Variants in RASSF3 observed in about 807,000 individuals in gnomAD.
The protein encoded by RASSF3 is Ras association domain family member 3, also known as ras association domain-containing protein 3.
A neutral mutation model predicts 19.9 loss-of-function variants in RASSF3; 19 were observed. The observed-to-expected ratio is 0.96, with a 90% CI of 0.67 to 1.40. The LOEUF (loss-of-function observed/expected upper bound fraction) is 1.40. RASSF3 is among the 40% of genes most tolerant of loss of function. The pLI is 0.00. For synonymous variants in RASSF3, 110 were observed against 104.2 expected (o/e 1.06, Z -0.34); for missense variants, 306 against 289.8 (o/e 1.06, Z -0.41).
intron 2 of RASSF3, among the ~76,000 whole-genome samples, chr12:64,571,674 A>C (rs1322201188): frequency 6.6e-6 from 1 of 152,166 alleles, no homozygotes; most frequent in Non-Finnish European, 1.5e-5. Context: ...ACCATACAGT[A>C]ATTTCCAGCA....
upstream of RASSF3, among the ~76,000 whole-genome samples, chr12:64,532,561 G>A (rs1868735790): frequency 6.6e-6 from 1 of 151,956 alleles, no homozygotes. Context: ...GGTGGCTTAT[G>A]TCTGTAATTC....
At chr12:64,599,690 G>A (rs1470513942) in intron 2 of RASSF3, among the ~76,000 whole-genome samples, 1 of 152,124 alleles carries the variant, frequency 6.6e-6, no homozygotes, top group South Asian at 2.1e-4. Flanking sequence ...GCTTCCAGGG[G>A]AAGATGAGAA....
chr12:64,528,107 C>G (rs974217440), intron 1 of RASSF3, among the ~76,000 whole-genome samples: 3 of 151,820 alleles, frequency 2.0e-5, no homozygotes, highest in Non-Finnish European at 4.4e-5. Context: ...CACACACACA[C>G]AAAATGTTAA....
At chr12:64,677,763 T>C (rs1344953981) in intron 1 of RASSF3, among the ~76,000 whole-genome samples, 1 of 152,234 alleles carries the variant, frequency 6.6e-6, no homozygotes, top group Non-Finnish European at 1.5e-5. Flanking sequence ...GTGACAGTTC[T>C]CTTTGTATTC....
downstream of RASSF3, among the ~76,000 whole-genome samples, chr12:64,542,828 C>A (rs576601325): frequency 2.0e-5 from 3 of 152,298 alleles, no homozygotes; most frequent in South Asian, 2.1e-4. Context: ...CCCACTCTGG[C>A]CCCACTTGAA....
intron 1 of RASSF3, among the ~76,000 whole-genome samples, chr12:64,621,959 A>G (rs1418480573): frequency 1.3e-5 from 2 of 152,192 alleles, no homozygotes. Context: ...GTGTTTTAAA[A>G]AAAAGGGTGA....
At chr12:64,565,109 C>T (rs1869407453) in intron 2 of RASSF3, among the ~76,000 whole-genome samples, 1 of 149,312 alleles carries the variant, frequency 6.7e-6, no homozygotes, top group African/African-American at 2.5e-5. Flanking sequence ...TTAACAACCT[C>T]AAACTAAACT....
chr12:64,632,054 A>C (rs1247531696), intron 1 of RASSF3, among the ~76,000 whole-genome samples: 1 of 152,176 alleles, frequency 6.6e-6, no homozygotes, highest in Non-Finnish European at 1.5e-5. Context: ...GGAGAAGTTC[A>C]ATCTAGAAAT....
chr12:64,552,600 C>T (rs956420265), intron 2 of RASSF3, among the ~76,000 whole-genome samples: 1 of 152,128 alleles, frequency 6.6e-6, no homozygotes, highest in Non-Finnish European at 1.5e-5. Flanking sequence ...TTGTTCAGCT[C>T]CCACTTATAA....
At chr12:64,638,120 G>C (rs991047063) in intron 1 of RASSF3, among the ~76,000 whole-genome samples, 1 of 152,152 alleles carries the variant, frequency 6.6e-6, no homozygotes, top group Middle Eastern at 3.4e-3. Context: ...ATGAGCCTAC[G>C]CCCCCGGCCT....
intron 1 of RASSF3, among the ~76,000 whole-genome samples, chr12:64,625,067 T>C (rs1870940179): frequency 1.3e-5 from 2 of 152,086 alleles, no homozygotes; most frequent in Admixed American, 1.3e-4. Context: ...GTTGAGAGAT[T>C]TGAAGGGAAC....
At chr12:64,691,663 A>AAGAGAAGAGAGTTGGAGGGC in intron 4 of RASSF3, 84 bp downstream of exon 4, 1 of 313,156 alleles carries the variant, frequency 3.2e-6, no homozygotes. Flanking sequence ...TTGGCTATTG[A>AAGAGAAGAGAGTTGGAGGGC]TGGGGGATGG....
intron 1 of RASSF3, chr12:64,622,412 C>G (rs948925708): frequency 2.0e-6 from 1 of 512,754 alleles, no homozygotes; most frequent in East Asian, 5.9e-5. Flanking sequence ...GATGGTAGGA[C>G]AAACTGCTGG....
At chr12:64,598,664 C>A (rs1870035826) in intron 2 of RASSF3, among the ~76,000 whole-genome samples, 1 of 152,168 alleles carries the variant, frequency 6.6e-6, no homozygotes, top group African/African-American at 2.4e-5. Context: ...GGCTCAATTT[C>A]TCCCTGGAAT....
chr12:64,553,628 G>GT (rs1307921824), intron 2 of RASSF3, among the ~76,000 whole-genome samples: 1 of 152,112 alleles, frequency 6.6e-6, no homozygotes, highest in Non-Finnish European at 1.5e-5. Context: ...AATCCAACAG[G>GT]TGACCATCCA....
At chr12:64,566,125 C>T (rs1019258545) in intron 2 of RASSF3, among the ~76,000 whole-genome samples, 2 of 151,562 alleles carry the variant, frequency 1.3e-5, no homozygotes, top group East Asian at 2.0e-4. Flanking sequence ...CGTTTGGACC[C>T]GGGAGGCAGA....
At chr12:64,660,672 G>A (rs2682717) in intron 1 of RASSF3, among the ~76,000 whole-genome samples, 121,266 of 152,176 alleles carry the variant, frequency 0.8, 48,743 homozygotes, top group African/African-American at 0.88. Flanking sequence ...TTTTTTCCCA[G>A]TGGCTAAAAT....
intron 1 of RASSF3, among the ~76,000 whole-genome samples, chr12:64,647,738 C>T (rs1356070756): frequency 6.6e-6 from 1 of 151,560 alleles, no homozygotes; most frequent in Non-Finnish European, 1.5e-5. Flanking sequence ...TTTATAGAGA[C>T]AGGGTTTTGC....
At chr12:64,673,488 A>T (rs1033901803) in intron 1 of RASSF3, among the ~76,000 whole-genome samples, 2 of 152,146 alleles carry the variant, frequency 1.3e-5, no homozygotes, top group African/African-American at 4.8e-5. Context: ...CTCTTTTAAT[A>T]ATCAGGGAAA....
Sources: allele counts gnomAD v4.1 joint callset (sites outside exome capture counted in the v4.1 genomes callset), GRCh38; gene constraint gnomAD v4.1.1; transcripts MANE v1.5; gene names NCBI Gene and HGNC (gene_info 2026-07-23, HGNC 2026-07-21).